The following SVOP variants were observed in gnomAD, a reference collection of about 807,000 sequenced individuals.
SVOP encodes the protein synaptic vesicle 2-related protein.
SVOP carries 17 observed loss-of-function variants against 69.1 expected under a neutral mutation model. That is an observed-to-expected ratio of 0.25 (90% CI 0.17 to 0.37). The LOEUF (loss-of-function observed/expected upper bound fraction) is 0.37. Ranked by LOEUF, SVOP falls within the 10% of genes least tolerant of loss-of-function variation. SVOP has a pLI of 1.00. For missense variants in SVOP, 435 were observed against 597.5 expected (o/e 0.73, Z 2.84); for synonymous variants, 238 against 238.6 (o/e 1.00, Z 0.02).
intron 11 of SVOP, among the ~76,000 whole-genome samples, chr12:108,932,057 G>C (rs1321413675): frequency 6.6e-6 from 1 of 151,914 alleles, no homozygotes. Flanking sequence ...CTCTCACCCA[G>C]GCTGGATTGC....
intron 6 of SVOP, among the ~76,000 whole-genome samples, chr12:108,946,975 CTCCTAAAG>C (rs1319436653): frequency 6.6e-6 from 1 of 152,078 alleles, no homozygotes; most frequent in Non-Finnish European, 1.5e-5. Context: ...CTGCCTCAGC[CTCCTAAAG>C]TCCTGGAATT....
At chr12:108,932,156 C>T (rs1001708474) in intron 11 of SVOP, among the ~76,000 whole-genome samples, 2 of 152,142 alleles carry the variant, frequency 1.3e-5, no homozygotes, top group South Asian at 2.1e-4. Flanking sequence ...GCTAGGACTA[C>T]AGGCACACAC....
intron 11 of SVOP, among the ~76,000 whole-genome samples, chr12:108,927,665 C>G (rs999832842): frequency 6.8e-6 from 1 of 147,176 alleles, no homozygotes; most frequent in African/African-American, 2.6e-5. Flanking sequence ...GTGGCACAAT[C>G]TTCGCTCACT....
intron 5 of SVOP, among the ~76,000 whole-genome samples, chr12:108,967,336 TA>T (rs1014752876): frequency 6.6e-5 from 10 of 151,930 alleles, no homozygotes; most frequent in Admixed American, 5.9e-4. Flanking sequence ...CCGTCTCTAC[TA>T]AAATTATAAA....
intron 4 of SVOP, among the ~76,000 whole-genome samples, chr12:108,973,876 G>C (rs1321999306): frequency 6.6e-6 from 1 of 152,206 alleles, no homozygotes; most frequent in Non-Finnish European, 1.5e-5. Flanking sequence ...CCTTCAGGGT[G>C]CCTCAGAAGG....
At chr12:108,997,211 G>A (rs1387813843) in intron 1 of SVOP, among the ~76,000 whole-genome samples, 3 of 149,950 alleles carry the variant, frequency 2.0e-5, no homozygotes, top group South Asian at 2.1e-4. Context: ...GACGCACCTG[G>A]AAAATCGGGT....
Position 108,911,398 on chromosome 12 carries a change from A to T in SVOP, c.*1137T>A, listed in dbSNP as rs983227182. On this transcript the variant is annotated 3_prime_UTR_variant, in exon 16 of 16. Coordinates refer to ENST00000610966, the MANE Select transcript of SVOP (RefSeq NM_018711.5). ...GATTTTGTACCTGCAAACCTGAGTA[A>T]ACTTTTTCCCCTCAAGAGTCATCAT... 1.3e-5 allele frequency: 2 copies of T among 152,146 alleles called. No individual in the cohort carries two copies. The highest frequency in any genetic ancestry group is 4.8e-5 in the African/African-American group (2 of 41,398). 9.4% of individuals were successfully genotyped at this position (152,146 alleles called of 1,614,324 possible).
chr12:108,938,901 T>G lies in SVOP; in HGVS notation c.823A>C (p.Ile275Leu). The change falls in exon 9 of 16, where the codon ATC (isoleucine) becomes CTC (leucine). Residue 275 changes from isoleucine to leucine, a missense_variant. Ile to Leu is a conservative substitution (Grantham distance 5). Coordinates refer to ENST00000610966, the MANE Select transcript of SVOP (RefSeq NM_018711.5). ...GTTGCTATCCTCTTTAAGGTGGCGA[T>G]TGCCTTTTCCTGGTTCCCTGACAGC... ...DVLSGNQEKA[I>L]ATLKRIATEN... 3 of 1,614,030 alleles carry G rather than the reference T, an allele frequency of 1.9e-6. No individual in the cohort carries two copies. In the African/African-American group the frequency reaches 4.0e-5, roughly 22 times the overall value.
chr12:108,934,128 G>C (rs538200794), intron 11 of SVOP, 67 bp downstream of exon 11: 2 of 1,387,892 alleles, frequency 1.4e-6, no homozygotes, highest in Non-Finnish European at 2.0e-6. Flanking sequence ...GTGGGAGTGT[G>C]TGCATGACTG....
At chr12:108,932,871 A>G (rs781715194) in intron 11 of SVOP, among the ~76,000 whole-genome samples, 1 of 152,092 alleles carries the variant, frequency 6.6e-6, no homozygotes, top group South Asian at 2.1e-4. Flanking sequence ...TTTACTCCCA[A>G]ATATAATTCT....
At chr12:108,960,888 C>T (rs1295143127) in intron 6 of SVOP, 35 bp downstream of exon 6, 1 of 1,533,216 alleles carries the variant, frequency 6.5e-7, no homozygotes, top group Admixed American at 2.0e-5. Flanking sequence ...GGATGGGCAG[C>T]CTGGCTGCAT....
chr12:108,937,151 T>C (rs1469756010), intron 10 of SVOP, 113 bp downstream of exon 10: 7 of 1,040,896 alleles, frequency 6.7e-6, no homozygotes, highest in Non-Finnish European at 1.1e-5. Context: ...ACTACTGAAA[T>C]TTGCAAACGC....
intron 2 of SVOP, among the ~76,000 whole-genome samples, chr12:108,982,821 TC>T (rs1593198981): frequency 7.5e-5 from 10 of 132,794 alleles, no homozygotes; most frequent in African/African-American, 1.8e-4. Flanking sequence ...ATCATCACCA[TC>T]ATCATCACTG....
At chr12:108,999,410 G>C (rs1382026119) in intron 1 of SVOP, among the ~76,000 whole-genome samples, 8 of 149,286 alleles carry the variant, frequency 5.4e-5, no homozygotes, top group Admixed American at 2.0e-4. Flanking sequence ...CAATGAGACA[G>C]AAAGTCAACA....
chr12:108,921,620 C>A (rs976440855), intron 12 of SVOP, among the ~76,000 whole-genome samples: 7 of 152,110 alleles, frequency 4.6e-5, no homozygotes, highest in Non-Finnish European at 8.8e-5. Flanking sequence ...TATTTGTCCA[C>A]CAAATCCCAC....
intron 7 of SVOP, among the ~76,000 whole-genome samples, chr12:108,941,787 G>C (rs951185756): frequency 1.3e-5 from 2 of 151,834 alleles, no homozygotes; most frequent in Non-Finnish European, 2.9e-5. Context: ...TCAGCCTCCC[G>C]AGTAGCTGGG....
intron 2 of SVOP, among the ~76,000 whole-genome samples, chr12:108,982,073 T>C (rs933900672): frequency 1.3e-5 from 2 of 150,514 alleles, no homozygotes; most frequent in Non-Finnish European, 3.0e-5. Context: ...ATAACCACCA[T>C]CTTCATCATC....
intron 6 of SVOP, among the ~76,000 whole-genome samples, chr12:108,956,195 G>A (rs36131078): frequency 3.4e-3 from 523 of 152,002 alleles, no homozygotes; most frequent in Non-Finnish European, 5.7e-3. Flanking sequence ...CCAGCTACTC[G>A]GGAGGCTGAG....
chr12:108,967,377 T>C (rs2040051846), intron 5 of SVOP, among the ~76,000 whole-genome samples: 1 of 152,082 alleles, frequency 6.6e-6, no homozygotes, highest in African/African-American at 2.4e-5. Flanking sequence ...CACGTGCCTG[T>C]AGTCCCAGCT....
Sources: allele counts gnomAD v4.1 joint callset (sites outside exome capture counted in the v4.1 genomes callset), GRCh38; gene constraint gnomAD v4.1.1; transcripts MANE v1.5; gene names NCBI Gene and HGNC (gene_info 2026-07-23, HGNC 2026-07-21).